The following PEX5L variants were observed in gnomAD, a reference collection of about 807,000 sequenced individuals.
PEX5L encodes peroxisomal biogenesis factor 5 like.
A neutral mutation model predicts 84.0 loss-of-function variants in PEX5L; 30 were observed. The observed-to-expected ratio is 0.36, with a 90% CI of 0.27 to 0.48. PEX5L has a LOEUF of 0.48. Ranked by LOEUF, PEX5L falls within the 20% of genes least tolerant of loss-of-function variation. The probability of loss-of-function intolerance (pLI) is 0.99; values close to 1 mark genes in which losing one functional copy is unlikely to be tolerated. For missense variants in PEX5L, 533 were observed against 754.6 expected (o/e 0.71, Z 3.44); for synonymous variants, 270 against 283.1 (o/e 0.95, Z 0.46).
intron 4 of PEX5L, among the ~76,000 whole-genome samples, chr3:179,885,958 T>C (rs1432927380): frequency 1.3e-5 from 2 of 152,304 alleles, no homozygotes; most frequent in Admixed American, 6.5e-5. Flanking sequence ...GAGGGCAACA[T>C]TGTAGATATT....
chr3:179,810,376 G>A (rs1577152153), intron 11 of PEX5L, among the ~76,000 whole-genome samples: 1 of 152,092 alleles, frequency 6.6e-6, no homozygotes, highest in Admixed American at 6.6e-5. Context: ...ATCTAGATAT[G>A]AAAGATTTTA....
In PEX5L at chr3:179,989,103, G is replaced by C. The variant is rs1009860321; in HGVS notation, c.22-17438C>G. On this transcript the variant is annotated intron_variant, in intron 1 of 14. Transcript: ENST00000467460. ...GACCTTCAAGGAAACAGAAATCCGT[G>C]GTAGGGATAATTCTGAGGCCATGGA... is the stretch of plus-strand genomic sequence containing the variant. Among the ~76,000 whole-genome samples, 16 of 152,276 alleles carry C rather than the reference G, an allele frequency of 1.1e-4. 2 individuals carry two copies. Among genetic ancestry groups the C allele is most frequent in the African/African-American group, 3.6e-4 (15 of 41,548 alleles).
intron 3 of PEX5L, chr3:179,888,045 T>C: frequency 1.1e-6 from 1 of 928,330 alleles, no homozygotes; most frequent in Non-Finnish European, 1.6e-6. Context: ...TGAAATATGA[T>C]TATTCTCTAA....
At chr3:180,026,500 T>C (rs1289676041) in intron 1 of PEX5L, among the ~76,000 whole-genome samples, 1 of 152,202 alleles carries the variant, frequency 6.6e-6, no homozygotes. Flanking sequence ...TTCTTATCAT[T>C]AAGGTATATG....
chr3:179,867,782 G>C (rs903359041), intron 7 of PEX5L, among the ~76,000 whole-genome samples: 2 of 152,142 alleles, frequency 1.3e-5, no homozygotes, highest in African/African-American at 4.8e-5. Context: ...TTTTGGAAGA[G>C]GAAGGCACAA....
chr3:179,923,075 G>C (rs1459905953), intron 2 of PEX5L, among the ~76,000 whole-genome samples: 1 of 151,722 alleles, frequency 6.6e-6, no homozygotes, highest in Non-Finnish European at 1.5e-5. Context: ...GGATCACGAA[G>C]TCAGGAGATC....
At chr3:179,871,860 T>C (rs562547874) in intron 7 of PEX5L, among the ~76,000 whole-genome samples, 1 of 152,348 alleles carries the variant, frequency 6.6e-6, no homozygotes, top group African/African-American at 2.4e-5. Flanking sequence ...TCAGTAACTC[T>C]GTTAAGTTTA....
At chr3:179,904,500 T>C (rs1012425847) in intron 2 of PEX5L, among the ~76,000 whole-genome samples, 2 of 152,170 alleles carry the variant, frequency 1.3e-5, no homozygotes, top group African/African-American at 4.8e-5. Flanking sequence ...CCACCATATG[T>C]ATACTCACTT....
chr3:179,858,924 C>A, intron 8 of PEX5L, 138 bp downstream of exon 8: 1 of 630,124 alleles, frequency 1.6e-6, no homozygotes, highest in Non-Finnish European at 2.9e-6. Context: ...ATGATTGTCT[C>A]ATTTTGACAA....
rs181875414 is a variant in PEX5L at position 179,839,835 on chromosome 3, T to C, written c.822+19227A>G. 8.2e-4 allele frequency among the ~76,000 whole-genome samples: 124 copies of C among 151,766 alleles called. 1 individual carries two copies. The highest frequency in any genetic ancestry group is 3.4e-3 in the Middle Eastern group (1 of 294). On this transcript the variant is annotated intron_variant, in intron 8 of 14. Transcript: ENST00000467460. ...AGTTATTAGCACTGCAAATAAATAA[T>C]TGTTAGAATAATTATGGAAGTTCTT...
intron 14 of PEX5L, among the ~76,000 whole-genome samples, chr3:179,806,436 G>T (rs905933527): frequency 6.6e-6 from 1 of 152,290 alleles, no homozygotes; most frequent in Non-Finnish European, 1.5e-5. Context: ...TTTGATCTGA[G>T]AAAATTCTCT....
At chr3:180,004,635 T>A (rs772679064) in intron 1 of PEX5L, among the ~76,000 whole-genome samples, 2 of 152,184 alleles carry the variant, frequency 1.3e-5, no homozygotes, top group African/African-American at 2.4e-5. Flanking sequence ...AGTCTTGCTA[T>A]ATAAATCAGA....
rs1271265931 is a variant in PEX5L, at chr3:179,859,045, AT to A, written c.822+16del. The A allele has an allele frequency of 1.3e-6, 2 of 1,574,416 alleles. No individual in the cohort carries two copies. Among genetic ancestry groups the A allele is most frequent in the Admixed American group, 1.7e-5 (1 of 59,858 alleles). On this transcript the variant is annotated intron_variant, in intron 8 of 14. Transcript: ENST00000467460. ...CAGGAGCATGAAACAGAAAAAACTA[AT>A]TTGAAGAAAAGTTACCTCCACTGCT...
chr3:180,031,329 G>T (rs150500185), intron 1 of PEX5L, among the ~76,000 whole-genome samples: 143 of 152,224 alleles, frequency 9.4e-4, no homozygotes, highest in African/African-American at 3.3e-3. Flanking sequence ...CTACTAAAGG[G>T]GATGGTATAG....
At chr3:179,958,012 T>C (rs1781016530) in intron 2 of PEX5L, among the ~76,000 whole-genome samples, 1 of 151,956 alleles carries the variant, frequency 6.6e-6, no homozygotes, top group African/African-American at 2.4e-5. Context: ...CTCTATTTCT[T>C]CTCTCTCTCC....
At chr3:179,853,671 T>A (rs1441215381) in intron 8 of PEX5L, among the ~76,000 whole-genome samples, 1 of 152,198 alleles carries the variant, frequency 6.6e-6, no homozygotes, top group East Asian at 1.9e-4. Flanking sequence ...AAGATGCATT[T>A]TATTTTTTAA....
intron 7 of PEX5L, among the ~76,000 whole-genome samples, chr3:179,866,464 CG>C (rs1218792946): frequency 6.6e-6 from 1 of 152,160 alleles, no homozygotes; most frequent in African/African-American, 2.4e-5. Flanking sequence ...GTAAAGCATA[CG>C]GTCACATGTT....
At chr3:179,888,203 G>A (rs1238461430) in intron 3 of PEX5L, 1 of 1,282,770 alleles carries the variant, frequency 7.8e-7, no homozygotes, top group African/African-American at 1.5e-5. Context: ...CTCAGTCAGT[G>A]TTTATGTGGG....
intron 4 of PEX5L, among the ~76,000 whole-genome samples, chr3:179,882,172 A>G (rs1189368757): frequency 1.3e-5 from 2 of 152,244 alleles, no homozygotes; most frequent in Non-Finnish European, 2.9e-5. Flanking sequence ...TGTACAAACA[A>G]TTAAGAGTTA....
Sources: gnomAD v4.1 joint callset for allele counts (sites outside exome capture counted in the v4.1 genomes callset) on GRCh38, gnomAD v4.1.1 for gene constraint, MANE v1.5 for transcripts, NCBI Gene and HGNC (gene_info 2026-07-23, HGNC 2026-07-21) for gene names.